FOXP2: variants seen among roughly 807,000 people sequenced by gnomAD.
FOXP2 encodes the protein forkhead box protein P2.
FOXP2 carries 12 observed loss-of-function variants against 115.8 expected under a neutral mutation model. The ratio of observed to expected loss-of-function variants is 0.10; its 90% CI spans 0.07 to 0.17. The LOEUF (loss-of-function observed/expected upper bound fraction) is 0.17, where lower values mean the gene tolerates loss of function less well. FOXP2 is among the 10% of genes least tolerant of loss of function. FOXP2 has a pLI of 1.00. For missense variants in FOXP2, 629 were observed against 843.5 expected (o/e 0.75, Z 3.15); for synonymous variants, 328 against 297.7 (o/e 1.10, Z -1.05).
At chr7:114,680,096 T>C (rs1287641952) in intron 16 of FOXP2, among the ~76,000 whole-genome samples, 1 of 152,228 alleles carries the variant, frequency 6.6e-6, no homozygotes, top group Non-Finnish European at 1.5e-5. Context: ...ACAAACTTTA[T>C]ATCTCTCCAT....
At chr7:114,102,092 A>G (rs138344715) in intron 1 of FOXP2, among the ~76,000 whole-genome samples, 229 of 151,878 alleles carry the variant, frequency 1.5e-3, no homozygotes, top group African/African-American at 5.0e-3. Flanking sequence ...TTTTTGGTCT[A>G]TTTTATCTCA....
intron 1 of FOXP2, among the ~76,000 whole-genome samples, chr7:114,232,585 G>A (rs1049502514): frequency 9.2e-5 from 14 of 151,948 alleles, no homozygotes; most frequent in African/African-American, 1.7e-4. Context: ...AGGCTTAGGC[G>A]GGCGGATCAC....
intron 1 of FOXP2, among the ~76,000 whole-genome samples, chr7:114,126,885 G>A (rs1470568823): frequency 6.6e-6 from 1 of 152,046 alleles, no homozygotes; most frequent in Non-Finnish European, 1.5e-5. Context: ...TCTTTTGGCT[G>A]ATGCACTTAT....
chr7:114,387,644 A>G (rs888245999), intron 2 of FOXP2, among the ~76,000 whole-genome samples: 25 of 152,304 alleles, frequency 1.6e-4, no homozygotes, highest in Non-Finnish European at 3.4e-4. Context: ...TAGACACACA[A>G]AACAACTTTT....
intron 2 of FOXP2, among the ~76,000 whole-genome samples, chr7:114,302,410 G>A (rs1796900470): frequency 6.6e-6 from 1 of 151,884 alleles, no homozygotes. Context: ...ATACTTCTCA[G>A]TTTGAAAGCA....
intron 2 of FOXP2, among the ~76,000 whole-genome samples, chr7:114,466,049 A>C (rs907350172): frequency 6.6e-6 from 1 of 152,196 alleles, no homozygotes; most frequent in Non-Finnish European, 1.5e-5. Flanking sequence ...ACTAGGATTT[A>C]AATTTCTAGA....
intron 1 of FOXP2, among the ~76,000 whole-genome samples, chr7:114,418,404 C>T (rs939870231): frequency 3.3e-5 from 5 of 152,000 alleles, no homozygotes; most frequent in African/African-American, 9.6e-5. Context: ...TGTATTACTT[C>T]GGCAAGATTC....
intron 3 of FOXP2, among the ~76,000 whole-genome samples, chr7:114,566,886 A>G (rs1013599098): frequency 3.3e-5 from 5 of 151,884 alleles, no homozygotes; most frequent in Non-Finnish European, 4.4e-5. Context: ...AATACCATGT[A>G]TATATTATAT....
intron 1 of FOXP2, among the ~76,000 whole-genome samples, chr7:114,102,731 CA>C (rs1334546428): frequency 1.9e-4 from 29 of 150,988 alleles, no homozygotes; most frequent in Admixed American, 1.3e-4. Flanking sequence ...CACACACACA[CA>C]CCCCAATGGT....
intron 1 of FOXP2, among the ~76,000 whole-genome samples, chr7:114,227,216 A>G (rs1490185159): frequency 6.6e-6 from 1 of 152,076 alleles, no homozygotes; most frequent in African/African-American, 2.4e-5. Context: ...TTATTTGGTT[A>G]TGGTGGAATC....
chr7:114,502,657 G>T (rs1175498412), intron 2 of FOXP2, among the ~76,000 whole-genome samples: 1 of 151,940 alleles, frequency 6.6e-6, no homozygotes, highest in Admixed American at 6.6e-5. Flanking sequence ...AACTAAACAG[G>T]CTGGTGTTTT....
At chr7:114,212,073 A>T (rs1003274237) in intron 1 of FOXP2, among the ~76,000 whole-genome samples, 29 of 126,218 alleles carry the variant, frequency 2.3e-4, no homozygotes, top group African/African-American at 8.6e-4. Context: ...CAGTTTCAAA[A>T]ATAAATAAAA....
chr7:114,620,883 G>A (rs1198389517), intron 3 of FOXP2, among the ~76,000 whole-genome samples: 1 of 151,898 alleles, frequency 6.6e-6, no homozygotes, highest in Admixed American at 6.6e-5. Context: ...TGTATTAAAA[G>A]TTATGGGAAA....
chr7:114,217,695 G>A (rs993786398), intron 1 of FOXP2, among the ~76,000 whole-genome samples: 2 of 152,106 alleles, frequency 1.3e-5, no homozygotes, highest in African/African-American at 4.8e-5. Context: ...GAAGTCTAAT[G>A]GGTACCACAA....
At chr7:114,385,260 G>C (rs371413072) in intron 2 of FOXP2, among the ~76,000 whole-genome samples, 1 of 152,130 alleles carries the variant, frequency 6.6e-6, no homozygotes, top group Non-Finnish European at 1.5e-5. Context: ...GATACAACTT[G>C]CTAGAGGAAA....
intron 2 of FOXP2, among the ~76,000 whole-genome samples, chr7:114,304,639 C>T (rs1161443900): frequency 8.0e-6 from 1 of 125,314 alleles, no homozygotes; most frequent in Non-Finnish European, 1.6e-5. Flanking sequence ...AACTGCACTC[C>T]AGCCTAGGTG....
rs1214517535 is a variant in FOXP2 at position 114,691,652 on chromosome 7, A to G, written c.*1726A>G. The G allele has an allele frequency of 4.4e-6, 2 of 453,824 alleles. No individual in the cohort carries two copies. Among genetic ancestry groups the G allele is most frequent in the African/African-American group, 4.0e-5 (2 of 49,954 alleles). The allele number at this position is 453,824 out of a possible 1,614,324, so 28.1% of individuals were successfully genotyped here. On this transcript the variant is annotated 3_prime_UTR_variant, in exon 17 of 17. Transcript: ENST00000350908. ...ATGTGCTGTGCCAAGTCTTGATAAT[A>G]CTTTTTCCCCCAACCAAGGGACCTC...
chr7:114,272,731 T>A (rs559876568), intron 1 of FOXP2, among the ~76,000 whole-genome samples: 50 of 151,992 alleles, frequency 3.3e-4, no homozygotes, highest in Non-Finnish European at 4.9e-4. Context: ...CATAGAATTG[T>A]TGATAATATT....
intron 1 of FOXP2, among the ~76,000 whole-genome samples, chr7:114,167,195 T>G (rs1049790736): frequency 1.3e-5 from 2 of 152,184 alleles, no homozygotes; most frequent in African/African-American, 4.8e-5. Flanking sequence ...TGTCTTTCAG[T>G]AGGTTAATGG....
Sources: allele counts gnomAD v4.1 joint callset (sites outside exome capture counted in the v4.1 genomes callset), GRCh38; gene constraint gnomAD v4.1.1; transcripts MANE v1.5; gene names NCBI Gene and HGNC (gene_info 2026-07-23, HGNC 2026-07-21).